The following KLHL5 variants were observed in gnomAD, a reference collection of about 807,000 sequenced individuals.
The protein encoded by KLHL5 is kelch-like protein 5.
KLHL5 carries 48 observed loss-of-function variants against 77.7 expected under a neutral mutation model. The observed-to-expected ratio is 0.62, with a 90% confidence interval of 0.49 to 0.79. KLHL5 has a LOEUF of 0.79. Among genes scored for constraint, KLHL5 ranks in the 30% least tolerant of loss-of-function variants. The probability of loss-of-function intolerance (pLI) is 0.00; values close to 1 mark genes in which losing one functional copy is unlikely to be tolerated. For synonymous variants in KLHL5, 260 were observed against 297.0 expected (o/e 0.88, Z 1.28); for missense variants, 723 against 859.7 (o/e 0.84, Z 1.99).
intron 2 of KLHL5, among the ~76,000 whole-genome samples, chr4:39,079,587 A>T (rs1719419115): frequency 6.6e-6 from 1 of 152,138 alleles, no homozygotes; most frequent in African/African-American, 2.4e-5. Flanking sequence ...TTCCGGTGAG[A>T]CCACCTATTT....
intron 1 of KLHL5, among the ~76,000 whole-genome samples, chr4:39,069,504 A>ATG: frequency 1.4e-5 from 2 of 141,580 alleles, no homozygotes; most frequent in Non-Finnish European, 3.1e-5. Context: ...ACACACACAT[A>ATG]CATATTTATA....
chr4:39,107,027 C>A lies in KLHL5; in HGVS notation c.1526-542C>A, dbSNP rs116222092. ...GATTACAGGCTTGAGCCACCGTTCC[C>A]AGCCTCTAGAACTTTTTTTTTTCTT... On this transcript the variant is annotated intron_variant, in intron 7 of 10. Coordinates refer to ENST00000504108, the MANE Select transcript of KLHL5 (RefSeq NM_015990.5). 3.0e-3 allele frequency among the ~76,000 whole-genome samples: 451 copies of A among 151,430 alleles called. 3 individuals carry two copies. The highest frequency in any genetic ancestry group is 0.01 in the African/African-American group (420 of 41,338).
chr4:39,135,321 G>A, the KLHL5 span: 1 of 152,190 alleles, frequency 6.6e-6, no homozygotes, highest in South Asian at 2.1e-4. Flanking sequence ...GAAATCCACG[G>A]AGCTTGGGAA....
chr4:39,107,039 C>CT (rs1196755781), intron 7 of KLHL5, among the ~76,000 whole-genome samples: 10 of 127,838 alleles, frequency 7.8e-5, no homozygotes, highest in East Asian at 2.2e-4. Context: ...GCCTCTAGAA[C>CT]TTTTTTTTTT....
chr4:39,070,812 T>C (rs1358621233), intron 1 of KLHL5, among the ~76,000 whole-genome samples: 1 of 152,146 alleles, frequency 6.6e-6, no homozygotes, highest in African/African-American at 2.4e-5. Flanking sequence ...TCCATTTTCC[T>C]TAGCTCTTAT....
chr4:39,062,743 A>G lies in KLHL5; in HGVS notation c.91A>G (p.Thr31Ala). ...TCATCAAGCATCATCTCCTAATTCT[A>G]CAGTTGACAGCCAGCAGGGAGAATT... ...FGHQASSPNS[T>A]VDSQQGEFWN... The change falls in exon 1 of 11, where the codon ACA becomes GCA. Residue 31 changes from threonine to alanine, a missense_variant. Physicochemically the swap from Thr to Ala is moderately conservative, Grantham distance 58. Transcript: ENST00000504108. The G allele has an allele frequency of 6.2e-7, 1 of 1,614,162 alleles. No individual in the cohort carries two copies. Among genetic ancestry groups the G allele is most frequent in the Admixed American group, 1.7e-5 (1 of 60,016 alleles).
chr4:39,074,838 G>A (rs2109344897), intron 1 of KLHL5, among the ~76,000 whole-genome samples: 1 of 152,252 alleles, frequency 6.6e-6, no homozygotes, highest in Non-Finnish European at 1.5e-5. Context: ...AAGATCTGAT[G>A]AGAAATGAGA....
intron 7 of KLHL5, among the ~76,000 whole-genome samples, chr4:39,106,995 G>A (rs1722083473): frequency 1.3e-5 from 2 of 150,688 alleles, no homozygotes; most frequent in South Asian, 4.2e-4. Context: ...GCCTCTCAGA[G>A]CTCTGGGATT....
intron 5 of KLHL5, among the ~76,000 whole-genome samples, 155 bp from the exon 6 acceptor site, chr4:39,096,537 A>G (rs1721081617): frequency 6.6e-6 from 1 of 152,174 alleles, no homozygotes; most frequent in Admixed American, 6.5e-5. Context: ...TAAAATGTAA[A>G]TCTTGTAAAT....
At position 39,048,638 on chromosome 4, in the gene KLHL5, C is replaced by CTTTTTT. The variant is rs34713116; in HGVS notation, c.-95+3558_-95+3563dup. Among the ~76,000 whole-genome samples, 459 of 79,026 alleles carry CTTTTTT rather than the reference C, an allele frequency of 5.8e-3. 16 individuals carry two copies. The highest frequency in any genetic ancestry group is 7.5e-3 in the African/African-American group (139 of 18,582). The allele number at this position is 79,026 out of a possible 152,430, so 51.8% of individuals were successfully genotyped here. On this transcript the variant is annotated intron_variant, in intron 1 of 11. Coordinates refer to the KLHL5 transcript ENST00000261425. ...AAAGGATGTGGTGATTTTACATTGG[C>CTTTTTT]TTTTTTTTTTTTTTTTTTTTTGGAG...
At chr4:39,077,097 A>G (rs1375769334) in intron 2 of KLHL5, among the ~76,000 whole-genome samples, 2 of 152,002 alleles carry the variant, frequency 1.3e-5, no homozygotes, top group African/African-American at 4.8e-5. Context: ...CAGTCCCATC[A>G]AAAAGTGGGC....
chr4:39,116,000 T>C, intron 10 of KLHL5: 1 of 985,714 alleles, frequency 1.0e-6, no homozygotes, highest in South Asian at 4.7e-5. Context: ...GCCAAGATTT[T>C]CTTGTATACA....
intron 7 of KLHL5, among the ~76,000 whole-genome samples, chr4:39,105,592 A>G (rs1721961433): frequency 6.6e-6 from 1 of 151,562 alleles, no homozygotes; most frequent in Non-Finnish European, 1.5e-5. Context: ...ATGTATATAC[A>G]GTATGTGTAT....
At chr4:39,129,186 C>CT (rs34334896), downstream of KLHL5, among the ~76,000 whole-genome samples, 71,426 of 138,140 alleles carry the variant, frequency 0.52, 19,259 homozygotes, top group Non-Finnish European at 0.59. This position sits in a 1 kb window ranked among gnomAD's most constrained non-coding sequence, Gnocchi z 4.2. Flanking sequence ...ACAATTACAA[C>CT]TTTTTTTTTT....
At chr4:39,116,066 C>T (rs933391967) in intron 10 of KLHL5, 2 of 979,010 alleles carry the variant, frequency 2.0e-6, no homozygotes, top group African/African-American at 3.5e-5. Flanking sequence ...GGCATGGTGG[C>T]TTATGCCTAT....
At chr4:39,066,473 T>C (rs540893280) in intron 1 of KLHL5, among the ~76,000 whole-genome samples, 1 of 152,286 alleles carries the variant, frequency 6.6e-6, no homozygotes, top group South Asian at 2.1e-4. Context: ...CATACAATTT[T>C]ACTGCACTTT....
chr4:39,067,710 C>G (rs113495154), intron 1 of KLHL5, among the ~76,000 whole-genome samples: 1 of 147,032 alleles, frequency 6.8e-6, no homozygotes, highest in Middle Eastern at 3.6e-3. Context: ...AAGTCTCACT[C>G]TGTCACCCAG....
chr4:39,128,186 A>G (rs1024399698), downstream of KLHL5, among the ~76,000 whole-genome samples: 6 of 152,182 alleles, frequency 3.9e-5, no homozygotes, highest in African/African-American at 1.4e-4. Flanking sequence ...TTAGCACTTT[A>G]TCTATTGTTA....
At chr4:39,082,739 G>GTACC (rs1719725707) in intron 4 of KLHL5, among the ~76,000 whole-genome samples, 1 of 152,300 alleles carries the variant, frequency 6.6e-6, no homozygotes, top group South Asian at 2.1e-4. Flanking sequence ...TGATACAAGT[G>GTACC]TACCTGTATG....
Sources: allele counts gnomAD v4.1 joint callset (sites outside exome capture counted in the v4.1 genomes callset), GRCh38; gene constraint gnomAD v4.1.1; non-coding constraint Gnocchi (gnomAD v3.1); transcripts MANE v1.5; gene names NCBI Gene and HGNC (gene_info 2026-07-23, HGNC 2026-07-21).